SMAD5: variants seen among roughly 807,000 people sequenced by gnomAD.
SMAD5 encodes MAD, mothers against decapentaplegic homolog 5.
Under a neutral mutation model 43.1 loss-of-function variants are expected in SMAD5, and 9 were observed. The observed-to-expected ratio is 0.21, with a 90% confidence interval of 0.13 to 0.36. The LOEUF is 0.36. Ranked by LOEUF, SMAD5 falls within the 10% of genes least tolerant of loss-of-function variation. The probability of loss-of-function intolerance (pLI) is 1.00; values close to 1 mark genes in which losing one functional copy is unlikely to be tolerated. For synonymous variants in SMAD5, 190 were observed against 192.4 expected, an observed-to-expected ratio of 0.99 and a Z score of 0.10; for missense variants, 348 against 574.0, an observed-to-expected ratio of 0.61 and a Z score of 4.02.
chr5:136,176,564 A>G (rs891598220), intron 7 of SMAD5, among the ~76,000 whole-genome samples: 3 of 150,340 alleles, frequency 2.0e-5, no homozygotes, highest in African/African-American at 7.3e-5. Context: ...TTCCTTTATT[A>G]GTATTTAAGT....
chr5:136,147,166 C>T (rs1753287602), intron 1 of SMAD5, among the ~76,000 whole-genome samples: 1 of 151,480 alleles, frequency 6.6e-6, no homozygotes, highest in Non-Finnish European at 1.5e-5. Flanking sequence ...CTAAAAATGT[C>T]CTAATGATAA....
intron 7 of SMAD5, among the ~76,000 whole-genome samples, chr5:136,175,057 CAA>C (rs35510558): frequency 0.095 from 14,451 of 152,150 alleles, 818 homozygotes; most frequent in East Asian, 0.27. Context: ...GAAGGAGGAG[CAA>C]AGTCATATCT....
In SMAD5 at chr5:136,161,027, C is replaced by G; in HGVS notation, c.575C>G (p.Pro192Arg). The change falls in exon 4 of 8, where the codon CCT becomes CGT. Residue 192 changes from proline (P) to arginine (R), a missense_variant. Pro to Arg is a moderately radical substitution (Grantham distance 103). Around this residue, in one of 5 missense-constraint regions of SMAD5, gnomAD observed 185 missense variants for 207.0 expected, o/e 0.89. Coordinates refer to ENST00000545279, the MANE Select transcript of SMAD5 (RefSeq NM_005903.7). Reference sequence around the variant, plus strand: ...CCTTTTCCCTTATCTCCAAACAGCCCTTATCCCCCTTCTCCTGCTAGCAGC... The same window carrying G: ...CCTTTTCCCTTATCTCCAAACAGCCGTTATCCCCCTTCTCCTGCTAGCAGC... ...NTPFPLSPNS[P>R]YPPSPASSTY... is the part of the protein sequence containing the mutation. 1 of 1,613,868 alleles carries G rather than the reference C, an allele frequency of 6.2e-7. No homozygotes were observed. The highest frequency in any genetic ancestry group is 8.5e-7 in the Non-Finnish European group (1 of 1,179,862).
In SMAD5 at chr5:136,174,627, G is replaced by T. The variant is rs991396564; in HGVS notation, c.1249G>T (p.Val417Phe). ...TKMCTIRMSF[V>F]KGWGAEYHRQ... The stretch of plus-strand genomic sequence containing the variant: ...AATGTGTACCATTCGGATGAGTTTT[G>T]TCAAGGTGAGTTGTGACCTCTAACA... The change falls in exon 7 of 8, where the codon GTC becomes TTC. Residue 417 changes from valine (V) to phenylalanine (F), a missense_variant. Physicochemically the swap from Val to Phe is conservative, Grantham distance 50. This residue lies in a region of SMAD5 where 97 missense variants were observed against 211.8 expected (regional missense o/e 0.46). Transcript: ENST00000545279. The T allele has an allele frequency of 6.2e-7, 1 of 1,607,838 alleles. No individual in the cohort carries two copies.
chr5:136,136,285 C>G (rs377656514), intron 1 of SMAD5, among the ~76,000 whole-genome samples: 1 of 152,202 alleles, frequency 6.6e-6, no homozygotes, highest in African/African-American at 2.4e-5. Flanking sequence ...TGAAGCAATT[C>G]TCCTGCCTCA....
chr5:136,170,160 C>T (rs1330470178), intron 5 of SMAD5, among the ~76,000 whole-genome samples: 4 of 152,080 alleles, frequency 2.6e-5, no homozygotes, highest in South Asian at 2.1e-4. Context: ...AAGGCATCAT[C>T]ATACCAGAAG....
chr5:136,172,410 T>C, intron 5 of SMAD5, 24 bp from the exon 6 acceptor site: 1 of 1,406,248 alleles, frequency 7.1e-7, no homozygotes. Flanking sequence ...TATTAAACTC[T>C]TTCTGTGTCT....
chr5:136,149,742 C>A (rs9327746), intron 2 of SMAD5, among the ~76,000 whole-genome samples: 51,483 of 151,600 alleles, frequency 0.34, 9,343 homozygotes, highest in African/African-American at 0.47. Context: ...CTTGCACATA[C>A]CACTTTACCA....
chr5:136,133,467 C>T (rs1369447258), intron 1 of SMAD5: 1 of 152,330 alleles, frequency 6.6e-6, no homozygotes, highest in African/African-American at 2.4e-5. Flanking sequence ...AGGATCCGCG[C>T]TTATCGGTGG....
intron 4 of SMAD5, among the ~76,000 whole-genome samples, chr5:136,162,137 C>A (rs747141205): frequency 6.6e-6 from 1 of 152,054 alleles, no homozygotes; most frequent in Non-Finnish European, 1.5e-5. Context: ...CTGAATGGGA[C>A]GTGATTAAAT....
intron 1 of SMAD5, chr5:136,133,610 A>G (rs1033453169): frequency 6.6e-6 from 1 of 152,406 alleles, no homozygotes; most frequent in Non-Finnish European, 1.5e-5. Context: ...TCTGTGCTGC[A>G]AAGAGAATGC....
chr5:136,150,542 T>C (rs974090499), intron 2 of SMAD5, among the ~76,000 whole-genome samples: 6 of 151,948 alleles, frequency 3.9e-5, no homozygotes, highest in African/African-American at 1.4e-4. Flanking sequence ...TTATTATAAA[T>C]ATTCAGTGAC....
chr5:136,172,641 G>T lies in SMAD5; in HGVS notation c.983G>T (p.Arg328Leu). The change falls in exon 6 of 8, where the codon CGA (arginine) becomes CTA (leucine). Residue 328 changes from arginine (R) to leucine (L), a missense_variant. This residue lies in a region of SMAD5 where 97 missense variants were observed against 211.8 expected (regional missense o/e 0.46). Coordinates refer to ENST00000545279, the MANE Select transcript of SMAD5 (RefSeq NM_005903.7). ...NRNSTIENTR[R>L]HIGKGVHLYY... ...AATTCGACAATTGAAAACACTAGGCGACATATTGGAAAAGGTAATCTTGTC... is the reference window on the plus strand; with the variant it reads ...AATTCGACAATTGAAAACACTAGGCTACATATTGGAAAAGGTAATCTTGTC... The T allele has an allele frequency of 6.3e-7, 1 of 1,595,006 alleles. No homozygotes were observed. Among genetic ancestry groups the T allele is most frequent in the South Asian group, 1.1e-5 (1 of 90,580 alleles).
chr5:136,170,227 A>C (rs1204309638), intron 5 of SMAD5, among the ~76,000 whole-genome samples: 5 of 152,076 alleles, frequency 3.3e-5, no homozygotes, highest in Non-Finnish European at 5.9e-5. Context: ...TGCATTTTAC[A>C]TTTAGGTCTG....
At chr5:136,155,500 C>T (rs1753605557) in intron 3 of SMAD5, among the ~76,000 whole-genome samples, 1 of 152,150 alleles carries the variant, frequency 6.6e-6, no homozygotes, top group Admixed American at 6.6e-5. Flanking sequence ...ACACAACAGC[C>T]AGAATGATTT....
intron 1 of SMAD5, chr5:136,133,855 C>T (rs551258637): frequency 6.5e-6 from 1 of 154,834 alleles, no homozygotes; most frequent in African/African-American, 2.4e-5. Context: ...TTGCAGAACT[C>T]GGGCGAGGAT....
intron 1 of SMAD5, chr5:136,133,497 T>G (rs889178419): frequency 3.9e-5 from 6 of 152,314 alleles, no homozygotes; most frequent in Non-Finnish European, 7.3e-5. Flanking sequence ...TCTGGGCAGT[T>G]GTGACCGGCT....
chr5:136,157,964 C>T (rs1002765278), intron 3 of SMAD5, among the ~76,000 whole-genome samples: 2 of 152,156 alleles, frequency 1.3e-5, no homozygotes, highest in Non-Finnish European at 2.9e-5. Context: ...TTAGTTTCCT[C>T]ATTGTAAAAT....
In SMAD5 at chr5:136,154,138, C is replaced by T. The variant is rs748043027; in HGVS notation, c.378C>T (p.Tyr126=). ...SKQKEVCINP[Y]HYKRVESPVL... ...AAAAAGAAGTTTGTATCAACCCATA[C>T]CACTATAAGAGAGTGGAGAGTCCAG... The change falls in exon 3 of 8, where the codon TAC becomes TAT. Residue 126 remains tyrosine (Y), a synonymous_variant. Coordinates refer to ENST00000545279, the MANE Select transcript of SMAD5 (RefSeq NM_005903.7). 2.5e-6 allele frequency: 4 copies of T among 1,580,136 alleles called. No individual in the cohort carries two copies. The highest frequency in any genetic ancestry group is 1.7e-6 in the Non-Finnish European group (2 of 1,163,542).
Sources: allele counts gnomAD v4.1 joint callset (sites outside exome capture counted in the v4.1 genomes callset), GRCh38; gene constraint gnomAD v4.1.1; regional missense constraint gnomAD v4.1.1; transcripts MANE v1.5; gene names NCBI Gene and HGNC (gene_info 2026-07-23, HGNC 2026-07-21).